Variants in ESRRG observed in about 807,000 individuals in gnomAD.
The protein encoded by ESRRG is estrogen related receptor gamma, also known as estrogen-related receptor gamma.
Under a neutral mutation model 44.0 loss-of-function variants are expected in ESRRG, and 13 were observed. That is an observed-to-expected ratio of 0.30 (90% confidence interval 0.19 to 0.47). ESRRG has a LOEUF of 0.47. Among genes scored for constraint, ESRRG ranks in the 20% least tolerant of loss-of-function variants. The pLI is 1.00. For synonymous variants in ESRRG, 215 were observed against 214.6 expected, an observed-to-expected ratio of 1.00 and a Z score of -0.02; for missense variants, 395 against 580.6, an observed-to-expected ratio of 0.68 and a Z score of 3.29.
At position 216,677,182 on chromosome 1, in the gene ESRRG, C is replaced by G. The variant is rs771693345; in HGVS notation, c.366G>C (p.Ser122=). 3 of 1,613,984 alleles carry G rather than the reference C, an allele frequency of 1.9e-6. No homozygotes were observed. Among genetic ancestry groups the G allele is most frequent in the Non-Finnish European group, 2.5e-6 (3 of 1,180,000 alleles). The change falls in exon 2 of 7, where the codon TCG becomes TCC. Residue 122 remains serine (S), a synonymous_variant. Coordinates refer to ENST00000408911, the MANE Select transcript of ESRRG (RefSeq NM_001438.4). ...ACACTAAACACAGTCTCTTGGGCATCGAGTTGAGCATGTATTCACACTTGG... is the reference window on the plus strand; with the variant it reads ...ACACTAAACACAGTCTCTTGGGCATGGAGTTGAGCATGTATTCACACTTGG... ...PQTKCEYMLN[S]MPKRLCLVCG...
chr1:216,944,992 C>A (rs140113320), intron 1 of ESRRG, among the ~76,000 whole-genome samples: 1 of 152,204 alleles, frequency 6.6e-6, no homozygotes, highest in Non-Finnish European at 1.5e-5. Flanking sequence ...AACAAACCGT[C>A]TCCAGTGGTT....
intron 2 of ESRRG, among the ~76,000 whole-genome samples, chr1:216,869,731 C>A (rs1444346473): frequency 1.3e-5 from 2 of 151,794 alleles, no homozygotes; most frequent in Non-Finnish European, 2.9e-5. Flanking sequence ...TTTATTGCAT[C>A]CATATTTGTA....
At chr1:216,984,609 T>C (rs771351312) in intron 1 of ESRRG, among the ~76,000 whole-genome samples, 2 of 152,206 alleles carry the variant, frequency 1.3e-5, no homozygotes, top group Non-Finnish European at 2.9e-5. Flanking sequence ...TAAAAACATC[T>C]GCTCAGCAAA....
At chr1:216,824,690 A>G (rs1423766441) in intron 2 of ESRRG, among the ~76,000 whole-genome samples, 4 of 152,194 alleles carry the variant, frequency 2.6e-5, no homozygotes, top group African/African-American at 9.7e-5. Context: ...CCTATTTCTT[A>G]TAATGATTAA....
chr1:216,732,868 C>A (rs112813706), intron 2 of ESRRG, among the ~76,000 whole-genome samples: 8,470 of 148,144 alleles, frequency 0.057, 366 homozygotes, highest in African/African-American at 0.084. Flanking sequence ...AGGAGGGGGA[C>A]TCTTGTGGTC....
chr1:217,032,736 A>G (rs1425052506), intron 1 of ESRRG, among the ~76,000 whole-genome samples: 1 of 152,214 alleles, frequency 6.6e-6, no homozygotes, highest in Non-Finnish European at 1.5e-5. Context: ...AAACAATTGA[A>G]ACTTCAAGAA....
At chr1:216,580,820 C>A (rs560665243) in intron 3 of ESRRG, among the ~76,000 whole-genome samples, 8 of 152,262 alleles carry the variant, frequency 5.3e-5, no homozygotes, top group Non-Finnish European at 8.8e-5. Flanking sequence ...AAGACTGGAG[C>A]CAAATGGATA....
intron 2 of ESRRG, among the ~76,000 whole-genome samples, chr1:216,897,455 A>G (rs2058559486): frequency 6.6e-6 from 1 of 152,200 alleles, no homozygotes; most frequent in South Asian, 2.1e-4. Flanking sequence ...GACTACACTG[A>G]GAAAATGGCT....
intron 3 of ESRRG, among the ~76,000 whole-genome samples, chr1:216,605,259 G>A (rs959850874): frequency 6.6e-6 from 1 of 152,138 alleles, no homozygotes; most frequent in African/African-American, 2.4e-5. Context: ...TAAAACATCT[G>A]TTTGGGAAAG....
At chr1:216,726,421 C>G (rs1375104244), upstream of ESRRG, among the ~76,000 whole-genome samples, 1 of 151,990 alleles carries the variant, frequency 6.6e-6, no homozygotes, top group Non-Finnish European at 1.5e-5. Context: ...TTCCCTGGTC[C>G]CAGATTTTTC....
chr1:216,857,225 C>G (rs2095960589), intron 2 of ESRRG, among the ~76,000 whole-genome samples: 1 of 152,008 alleles, frequency 6.6e-6, no homozygotes, highest in Non-Finnish European at 1.5e-5. Context: ...CAATTAAACC[C>G]TGGAACATCA....
intron 1 of ESRRG, among the ~76,000 whole-genome samples, chr1:217,132,071 T>A (rs1048183270): frequency 6.6e-6 from 1 of 152,216 alleles, no homozygotes; most frequent in Non-Finnish European, 1.5e-5. Context: ...ATGTTGGGGA[T>A]CAGAGTGGAA....
chr1:216,987,221 C>A (rs552010008), intron 1 of ESRRG, among the ~76,000 whole-genome samples: 1 of 152,242 alleles, frequency 6.6e-6, no homozygotes, highest in South Asian at 2.1e-4. Flanking sequence ...ACTTTTGCAC[C>A]TAATTTTGCA....
rs373367054 is a variant in ESRRG, at chr1:216,903,600, A to G, written c.-14+35982T>C. On this transcript the variant is annotated intron_variant, in intron 2 of 7. Transcript: ENST00000359162. ...AACAGCAGGCAGTGGAACCCTGTAC[A>G]GCTGGTCCCTGCTGGCCTATATACT... Among the ~76,000 whole-genome samples, 12 of 152,144 alleles carry G rather than the reference A, an allele frequency of 7.9e-5. No individual in the cohort carries two copies. In the East Asian group the frequency reaches 1.7e-3, roughly 22 times the overall value.
At chr1:216,511,274 T>C (rs1188298582) in intron 6 of ESRRG, among the ~76,000 whole-genome samples, 1 of 152,120 alleles carries the variant, frequency 6.6e-6, no homozygotes, top group African/African-American at 2.4e-5. Context: ...ATACTTTGTA[T>C]CTTTAAATTT....
At chr1:217,100,018 AT>A (rs902648543) in intron 1 of ESRRG, among the ~76,000 whole-genome samples, 1 of 151,574 alleles carries the variant, frequency 6.6e-6, no homozygotes, top group African/African-American at 2.4e-5. Context: ...GAAGTGAATT[AT>A]TTTGGTAATG....
chr1:217,043,500 G>T (rs957632265), intron 1 of ESRRG, among the ~76,000 whole-genome samples: 9 of 152,104 alleles, frequency 5.9e-5, no homozygotes, highest in South Asian at 2.1e-4. Flanking sequence ...ACACGTCATT[G>T]TTGGCCCTTT....
At chr1:216,544,474 C>A (rs1308845671) in intron 5 of ESRRG, among the ~76,000 whole-genome samples, 2 of 152,026 alleles carry the variant, frequency 1.3e-5, no homozygotes, top group Non-Finnish European at 1.5e-5. Context: ...CTGAGGAATA[C>A]GGGGGATACC....
At chr1:216,753,962 T>C (rs2092275146) in intron 2 of ESRRG, among the ~76,000 whole-genome samples, 1 of 152,052 alleles carries the variant, frequency 6.6e-6, no homozygotes, top group Non-Finnish European at 1.5e-5. Flanking sequence ...CTTGTTCTGC[T>C]CAGCTGTGAC....
Sources: allele counts gnomAD v4.1 joint callset (sites outside exome capture counted in the v4.1 genomes callset), GRCh38; gene constraint gnomAD v4.1.1; transcripts MANE v1.5; gene names NCBI Gene and HGNC (gene_info 2026-07-23, HGNC 2026-07-21).